SNTB1: variants seen among roughly 807,000 people sequenced by gnomAD.
The protein encoded by SNTB1 is beta-1-syntrophin.
SNTB1 carries 36 observed loss-of-function variants against 48.9 expected under a neutral mutation model. The ratio of observed to expected loss-of-function variants is 0.74; its 90% CI spans 0.56 to 0.97. SNTB1 has a LOEUF of 0.97. SNTB1 is among the 50% of genes least tolerant of loss of function. The pLI is 0.00. For missense variants in SNTB1, 786 were observed against 703.4 expected (o/e 1.12, Z -1.33); for synonymous variants, 299 against 294.6 (o/e 1.01, Z -0.15).
At chr8:120,571,478 GGTTTTTT>G (rs1233240314) in intron 4 of SNTB1, 2,756 of 243,590 alleles carry the variant, frequency 0.011, 100 homozygotes, top group South Asian at 0.022. Context: ...GACTATTGAG[GGTTTTTT>G]TTTTTTTTTT....
At chr8:120,654,071 A>AAAAAAAAAAT (rs1817457552) in intron 2 of SNTB1, among the ~76,000 whole-genome samples, 2 of 144,010 alleles carry the variant, frequency 1.4e-5, no homozygotes, top group Non-Finnish European at 3.0e-5. Context: ...AAAAAAAAAA[A>AAAAAAAAAAT]GTTGTCTTCT....
intron 1 of SNTB1, among the ~76,000 whole-genome samples, chr8:120,734,217 G>T (rs1428106285): frequency 6.6e-6 from 1 of 152,156 alleles, no homozygotes; most frequent in Non-Finnish European, 1.5e-5. Context: ...GCCGAGGTGG[G>T]CAGATCACCT....
chr8:120,554,016 A>G (rs75828737), intron 4 of SNTB1, among the ~76,000 whole-genome samples: 3,429 of 152,314 alleles, frequency 0.023, 62 homozygotes, highest in Non-Finnish European at 0.04. Context: ...AAAAAATTCT[A>G]TAAGAAACAT....
At chr8:120,690,298 T>A (rs1818103102) in intron 2 of SNTB1, among the ~76,000 whole-genome samples, 1 of 152,182 alleles carries the variant, frequency 6.6e-6, no homozygotes, top group South Asian at 2.1e-4. Context: ...GGGGTCCTGT[T>A]ACATTCCTTC....
intron 2 of SNTB1, among the ~76,000 whole-genome samples, chr8:120,678,075 T>C (rs577984869): frequency 6.6e-6 from 1 of 152,316 alleles, no homozygotes; most frequent in South Asian, 2.1e-4. Context: ...GAGGGTTTTA[T>C]TCTAGGGTGA....
At chr8:120,710,477 C>T (rs1818444314) in intron 1 of SNTB1, among the ~76,000 whole-genome samples, 1 of 152,186 alleles carries the variant, frequency 6.6e-6, no homozygotes, top group Admixed American at 6.5e-5. Flanking sequence ...AATTAGGTAA[C>T]ACTTGCTGTG....
chr8:120,632,615 C>T lies in SNTB1; in HGVS notation c.825G>A (p.Thr275=), dbSNP rs778339106. Residue 275 remains threonine, a synonymous_variant, in exon 3 of 7, where the codon ACG becomes ACA. Coordinates refer to ENST00000517992, the MANE Select transcript of SNTB1 (RefSeq NM_021021.4). ...CTGAGTCCTTGCTCCTTAGGATCAC[C>T]GTGTGCTTAGCATCTGGAGAGTGGA... ...LEIHSPDAKH[T]VILRSKDSAT... 23 of 1,614,092 alleles carry T rather than the reference C, an allele frequency of 1.4e-5. No homozygotes were observed. Among genetic ancestry groups the T allele is most frequent in the East Asian group, 2.2e-5 (1 of 44,876 alleles).
chr8:120,605,185 A>T (rs745522440), intron 3 of SNTB1, among the ~76,000 whole-genome samples: 5 of 152,190 alleles, frequency 3.3e-5, no homozygotes, highest in African/African-American at 4.8e-5. Flanking sequence ...AGTGGTGCTG[A>T]CTCTGCAGTC....
intron 1 of SNTB1, among the ~76,000 whole-genome samples, chr8:120,734,170 G>A (rs189333965): frequency 8.5e-5 from 13 of 152,266 alleles, no homozygotes; most frequent in East Asian, 3.9e-4. Flanking sequence ...CAGGCCAGGC[G>A]CGATGGTTCA....
At chr8:120,653,345 G>A (rs1176472582) in intron 2 of SNTB1, among the ~76,000 whole-genome samples, 1 of 152,108 alleles carries the variant, frequency 6.6e-6, no homozygotes, top group Non-Finnish European at 1.5e-5. Flanking sequence ...TGATGTGAAG[G>A]TGGAGGCAGA....
chr8:120,663,873 T>G (rs538041472), intron 2 of SNTB1, among the ~76,000 whole-genome samples: 1 of 152,182 alleles, frequency 6.6e-6, no homozygotes, highest in African/African-American at 2.4e-5. Flanking sequence ...AAGATCCGAT[T>G]ACAGCAGAGA....
At chr8:120,756,003 C>T (rs1171191174) in intron 1 of SNTB1, among the ~76,000 whole-genome samples, 1 of 152,134 alleles carries the variant, frequency 6.6e-6, no homozygotes, top group Admixed American at 6.6e-5. Context: ...GGTCTGTACT[C>T]TTAAGATCAA....
intron 2 of SNTB1, among the ~76,000 whole-genome samples, chr8:120,638,492 G>A (rs896356296): frequency 5.9e-5 from 9 of 151,864 alleles, no homozygotes; most frequent in Non-Finnish European, 1.2e-4. Context: ...TGCCATGTTG[G>A]TGTGCTGCAC....
chr8:120,597,291 T>A (rs1168026590), intron 3 of SNTB1, among the ~76,000 whole-genome samples: 1 of 152,228 alleles, frequency 6.6e-6, no homozygotes, highest in Non-Finnish European at 1.5e-5. Flanking sequence ...TGATGCTGAT[T>A]TTGGACTTCT....
intron 1 of SNTB1, among the ~76,000 whole-genome samples, chr8:120,717,401 C>T (rs1818578367): frequency 6.6e-6 from 1 of 152,224 alleles, no homozygotes; most frequent in African/African-American, 2.4e-5. Context: ...AGAGAGACAG[C>T]CCAAGCTGAA....
chr8:120,591,757 C>T (rs1223033061), intron 3 of SNTB1, among the ~76,000 whole-genome samples: 3 of 152,128 alleles, frequency 2.0e-5, no homozygotes, highest in Admixed American at 6.5e-5. Flanking sequence ...AATCCTGTTC[C>T]ATAAAAACTC....
chr8:120,795,779 T>C (rs1277390153), intron 1 of SNTB1, among the ~76,000 whole-genome samples: 4 of 151,974 alleles, frequency 2.6e-5, no homozygotes, highest in African/African-American at 9.7e-5. Context: ...CTTCTGTGCC[T>C]TGCTCCTAGT....
At chr8:120,737,927 C>T (rs1459580499) in intron 1 of SNTB1, among the ~76,000 whole-genome samples, 1 of 152,110 alleles carries the variant, frequency 6.6e-6, no homozygotes, top group Non-Finnish European at 1.5e-5. Context: ...AACTTTATAG[C>T]ACAGTAGGCC....
At chr8:120,657,470 T>C (rs1207627330) in intron 2 of SNTB1, among the ~76,000 whole-genome samples, 5 of 152,198 alleles carry the variant, frequency 3.3e-5, no homozygotes, top group Non-Finnish European at 7.3e-5. Flanking sequence ...CTAGGATAAA[T>C]GTCATAATCA....
Sources: gnomAD v4.1 joint callset for allele counts (sites outside exome capture counted in the v4.1 genomes callset) on GRCh38, gnomAD v4.1.1 for gene constraint, MANE v1.5 for transcripts, NCBI Gene and HGNC (gene_info 2026-07-23, HGNC 2026-07-21) for gene names.